The following MKX variants were observed in gnomAD, a reference collection of about 807,000 sequenced individuals.
The protein encoded by MKX is homeobox protein Mohawk.
In MKX, 13 loss-of-function variants were observed where a neutral mutation model predicts 36.0. The ratio of observed to expected loss-of-function variants is 0.36; its 90% CI spans 0.24 to 0.57. MKX has a LOEUF of 0.57. Ranked by LOEUF, MKX falls within the 20% of genes least tolerant of loss-of-function variation. The pLI is 0.79. For synonymous variants in MKX, 176 were observed against 178.3 expected (o/e 0.99, Z 0.10); for missense variants, 458 against 456.4 (o/e 1.00, Z -0.03).
At chr10:27,719,359 G>C (rs1018327650) in intron 5 of MKX, among the ~76,000 whole-genome samples, 2 of 152,046 alleles carry the variant, frequency 1.3e-5, no homozygotes, top group Non-Finnish European at 2.9e-5. Context: ...GCCTACCAGG[G>C]GAATCAAGAA....
intron 5 of MKX, among the ~76,000 whole-genome samples, chr10:27,705,407 T>G (rs1485350196): frequency 6.6e-6 from 1 of 152,182 alleles, no homozygotes; most frequent in Non-Finnish European, 1.5e-5. Context: ...CAAGCTGGAG[T>G]GCAGTGGCAC....
chr10:27,724,793 C>A (rs983939580), intron 5 of MKX, among the ~76,000 whole-genome samples: 1 of 108,956 alleles, frequency 9.2e-6, no homozygotes, highest in African/African-American at 3.8e-5. Context: ...ACACACACAC[C>A]CCGCAGAAAC....
In MKX at chr10:27,718,468, T is replaced by C. The variant is rs1200510852; in HGVS notation, c.838+15988A>G. ...TAAAAAAGCAATATGAAGCATATGA[T>C]ATTTAATTTTCCATTAATCAATAAT... On this transcript the variant is annotated intron_variant, in intron 5 of 6. Transcript: ENST00000419761. 3 of 271,932 alleles carry C rather than the reference T, an allele frequency of 1.1e-5. No homozygotes were observed. The Admixed American group carries it at 1.3e-4, about 11-fold the overall frequency. The allele number at this position is 271,932 out of a possible 1,614,324, so 16.8% of individuals were successfully genotyped here.
At chr10:27,691,637 A>G (rs1009288613) in intron 5 of MKX, among the ~76,000 whole-genome samples, 17 of 152,152 alleles carry the variant, frequency 1.1e-4, no homozygotes, top group Admixed American at 1.0e-3. Flanking sequence ...GGTTTGGGGT[A>G]TGAAGGATCC....
At chr10:27,690,903 G>C (rs1836442319) in intron 5 of MKX, among the ~76,000 whole-genome samples, 1 of 152,148 alleles carries the variant, frequency 6.6e-6, no homozygotes, top group Admixed American at 6.5e-5. Flanking sequence ...TCATGGGGTG[G>C]TTTCCCCCAT....
intron 1 of MKX, chr10:27,745,006 G>GC (rs1374247818): frequency 6.6e-6 from 1 of 152,398 alleles, no homozygotes; most frequent in African/African-American, 2.4e-5. Flanking sequence ...GAATTTTCGT[G>GC]CTTGCAGCCC....
intron 5 of MKX, among the ~76,000 whole-genome samples, chr10:27,724,791 A>ACACACACACCCC (rs775804611): frequency 4.1e-5 from 6 of 147,884 alleles, no homozygotes; most frequent in African/African-American, 1.3e-4. Flanking sequence ...ACACACACAC[A>ACACACACACCCC]CCCCGCAGAA....
intron 5 of MKX, among the ~76,000 whole-genome samples, chr10:27,690,000 C>T (rs1564346968): frequency 6.6e-6 from 1 of 152,168 alleles, no homozygotes; most frequent in Non-Finnish European, 1.5e-5. Flanking sequence ...CGATGGCATA[C>T]AGATCCTTTT....
At chr10:27,676,655 C>T (rs977655460) in intron 5 of MKX, among the ~76,000 whole-genome samples, 3 of 152,118 alleles carry the variant, frequency 2.0e-5, no homozygotes, top group East Asian at 1.9e-4. Context: ...GGATTACAGG[C>T]GTGAGCCACC....
chr10:27,708,222 C>T (rs1469163168), intron 5 of MKX, among the ~76,000 whole-genome samples: 1 of 152,086 alleles, frequency 6.6e-6, no homozygotes, highest in Non-Finnish European at 1.5e-5. Flanking sequence ...GAACTCAGAG[C>T]GACAACTGGT....
rs750749306 is a variant in MKX at position 27,735,225 on chromosome 10, A to C, written c.498T>G (p.Ser166=). ...RLSVSSDDSC[S]EDGENPPRTH... is the part of the protein sequence containing the mutation. ...AAAATAAAAATATTAACAAACCTTC[A>C]GAACATGAGTCATCACTGCTTACGC... Residue 166 remains serine (S), a synonymous_variant, in exon 4 of 7, where the codon TCT becomes TCG. Transcript: ENST00000419761. 1 of 1,542,904 alleles carries C rather than the reference A, an allele frequency of 6.5e-7. No homozygotes were observed. Among genetic ancestry groups the C allele is most frequent in the South Asian group, 1.3e-5 (1 of 78,716 alleles).
In MKX at chr10:27,734,652, T is replaced by C; in HGVS notation, c.642A>G (p.Ala214=). ...PESRASEDYV[A]PPKYKSSLLN... The stretch of plus-strand genomic sequence containing the variant: ...ACAAGCTGCTCTTGTATTTGGGGGG[T>C]GCCACGTAGTCCTCACTGGCCCGTG... Residue 214 remains alanine (A), a synonymous_variant, in exon 5 of 7, where the codon GCA becomes GCG. Transcript: ENST00000419761. 2 of 1,614,026 alleles carry C rather than the reference T, an allele frequency of 1.2e-6. No homozygotes were observed. The highest frequency in any genetic ancestry group is 1.7e-6 in the Non-Finnish European group (2 of 1,179,990).
At chr10:27,718,141 A>G (rs1836997120) in intron 5 of MKX, among the ~76,000 whole-genome samples, 1 of 152,202 alleles carries the variant, frequency 6.6e-6, no homozygotes, top group African/African-American at 2.4e-5. Flanking sequence ...CATCTCATTC[A>G]CAGTCAAACA....
At chr10:27,709,262 C>T (rs1181447146) in intron 5 of MKX, among the ~76,000 whole-genome samples, 1 of 151,998 alleles carries the variant, frequency 6.6e-6, no homozygotes, top group Non-Finnish European at 1.5e-5. Context: ...TTAAAAATAG[C>T]AACTATTTCC....
intron 5 of MKX, among the ~76,000 whole-genome samples, chr10:27,722,897 G>A (rs1293140929): frequency 1.3e-5 from 2 of 152,106 alleles, no homozygotes; most frequent in East Asian, 1.9e-4. Context: ...TGAGCTTCCT[G>A]TGAGCATTTC....
At chr10:27,743,106 C>G (rs1288168869) in intron 2 of MKX, 122 bp downstream of exon 2, 1 of 966,594 alleles carries the variant, frequency 1.0e-6, no homozygotes, top group African/African-American at 1.7e-5. Context: ...GACCTGCACT[C>G]CCAGGGAACT....
intron 5 of MKX, among the ~76,000 whole-genome samples, chr10:27,677,920 A>C (rs1836183577): frequency 6.6e-6 from 1 of 152,226 alleles, no homozygotes; most frequent in Non-Finnish European, 1.5e-5. Context: ...TGGCTCTTAC[A>C]GGGTCAGCCT....
chr10:27,686,945 G>A (rs1246562659), intron 5 of MKX, among the ~76,000 whole-genome samples: 2 of 151,756 alleles, frequency 1.3e-5, no homozygotes, highest in East Asian at 3.9e-4. Flanking sequence ...CTGCCTTTCT[G>A]TCAATGCATA....
chr10:27,707,890 T>C (rs1836784654), intron 5 of MKX, among the ~76,000 whole-genome samples: 1 of 152,232 alleles, frequency 6.6e-6, no homozygotes, highest in South Asian at 2.1e-4. Flanking sequence ...AAAATGCTTC[T>C]GTTTGAAAGT....
Sources: allele counts gnomAD v4.1 joint callset (sites outside exome capture counted in the v4.1 genomes callset), GRCh38; gene constraint gnomAD v4.1.1; transcripts MANE v1.5; gene names NCBI Gene and HGNC (gene_info 2026-07-23, HGNC 2026-07-21).